ASB15: variants seen among roughly 807,000 people sequenced by gnomAD.
ASB15 encodes the protein ankyrin repeat and SOCS box protein 15.
A neutral mutation model predicts 58.0 loss-of-function variants in ASB15; 54 were observed. That is an observed-to-expected ratio of 0.93 (90% confidence interval 0.75 to 1.17). The LOEUF (loss-of-function observed/expected upper bound fraction) is 1.17, where lower values mean the gene tolerates loss of function less well. ASB15 is among the 50% of genes most tolerant of loss of function. The probability of loss-of-function intolerance (pLI) is 0.00; values close to 1 mark genes in which losing one functional copy is unlikely to be tolerated. For synonymous variants in ASB15, 249 were observed against 262.4 expected (o/e 0.95, Z 0.50); for missense variants, 680 against 707.4 (o/e 0.96, Z 0.44).
chr7:123,620,503 CATACATATATATATATATATATAT>C (rs1357985132), intron 7 of ASB15, among the ~76,000 whole-genome samples: 39 of 53,060 alleles, frequency 7.4e-4, no homozygotes, highest in South Asian at 4.7e-3. Context: ...GACACATATA[CATACATATATATATATATATATAT>C]ATATATATAT....
rs540459028 is a variant in ASB15, at chr7:123,579,321, C to A, written c.-443+12233C>A. 2.4e-4 allele frequency among the ~76,000 whole-genome samples: 36 copies of A among 151,920 alleles called. 1 individual carries two copies. The highest frequency in any genetic ancestry group is 4.7e-4 in the Non-Finnish European group (32 of 67,954). ...ATTGGGAAAATTTTAGATAAAAATA[C>A]TTTCTTAGTTATAGTTAAAAATAAG... is the stretch of plus-strand genomic sequence containing the variant. On this transcript the variant is annotated intron_variant, in intron 1 of 13. Coordinates refer to the ASB15 transcript ENST00000451558.
At chr7:123,620,232 G>A (rs1054411279) in intron 7 of ASB15, 3 of 151,844 alleles carry the variant, frequency 2.0e-5, no homozygotes, top group African/African-American at 7.3e-5. Context: ...CCACACCTTG[G>A]GGCAACGGAG....
At chr7:123,579,826 T>C (rs1005458419) in intron 1 of ASB15, among the ~76,000 whole-genome samples, 2 of 152,200 alleles carry the variant, frequency 1.3e-5, no homozygotes, top group African/African-American at 4.8e-5. Flanking sequence ...TATTTAGACA[T>C]TTAGTTTAAG....
chr7:123,588,153 C>G (rs1232642970), intron 1 of ASB15, among the ~76,000 whole-genome samples: 1 of 151,714 alleles, frequency 6.6e-6, no homozygotes, highest in Non-Finnish European at 1.5e-5. Flanking sequence ...AGTGAAGGCA[C>G]TAGGTTTGGG....
chr7:123,594,759 G>A (rs1799647407), intron 1 of ASB15, among the ~76,000 whole-genome samples: 1 of 152,186 alleles, frequency 6.6e-6, no homozygotes. Flanking sequence ...ACTTAAGGAG[G>A]CAGTCTGTCC....
intron 6 of ASB15, among the ~76,000 whole-genome samples, chr7:123,617,303 T>C (rs1324784301): frequency 6.6e-6 from 1 of 152,212 alleles, no homozygotes; most frequent in African/African-American, 2.4e-5. Context: ...ATTGAAACAT[T>C]GTTTTGTAAT....
intron 8 of ASB15, among the ~76,000 whole-genome samples, chr7:123,626,485 A>C (rs987237917): frequency 1.3e-5 from 2 of 152,184 alleles, no homozygotes; most frequent in Non-Finnish European, 1.5e-5. Context: ...AAATAAATAA[A>C]TAAATAAATA....
chr7:123,601,472 T>C (rs1263922861), upstream of ASB15, among the ~76,000 whole-genome samples: 1 of 152,166 alleles, frequency 6.6e-6, no homozygotes, highest in Admixed American at 6.5e-5. Context: ...AGAAAAATAG[T>C]GTGTATTAAA....
intron 11 of ASB15, among the ~76,000 whole-genome samples, chr7:123,631,995 G>A (rs1802143269): frequency 6.6e-6 from 1 of 151,926 alleles, no homozygotes; most frequent in East Asian, 1.9e-4. Flanking sequence ...GGAGAATGGC[G>A]TGAACCCGGG....
At chr7:123,579,918 T>C (rs805785) in intron 1 of ASB15, among the ~76,000 whole-genome samples, 34,990 of 152,056 alleles carry the variant, frequency 0.23, 4,162 homozygotes, top group East Asian at 0.4. Context: ...AATTCTCATT[T>C]ATTGAATGGC....
At chr7:123,594,538 C>A (rs557767172) in intron 1 of ASB15, among the ~76,000 whole-genome samples, 1 of 152,158 alleles carries the variant, frequency 6.6e-6, no homozygotes, top group African/African-American at 2.4e-5. Flanking sequence ...CAGACAGGCC[C>A]CTCAGCTGCA....
At chr7:123,612,374 A>G (rs1401414057) in intron 3 of ASB15, 2 of 152,272 alleles carry the variant, frequency 1.3e-5, no homozygotes, top group Non-Finnish European at 2.9e-5. Context: ...CAGAAAACCA[A>G]TGGTCCAAGT....
In ASB15 at chr7:123,582,546, G is replaced by A. The variant is rs547844850; in HGVS notation, c.-443+15458G>A. On this transcript the variant is annotated intron_variant, in intron 1 of 13. Coordinates refer to the ASB15 transcript ENST00000451558. ...TCATTGTCTGTAGGTTCCTCAATGCGTTCTGTGACCAGCAAGAGTAAATGA... is the reference window on the plus strand; with the variant it reads ...TCATTGTCTGTAGGTTCCTCAATGCATTCTGTGACCAGCAAGAGTAAATGA... 7.0e-4 allele frequency among the ~76,000 whole-genome samples: 107 copies of A among 151,990 alleles called. 1 individual carries two copies. Among genetic ancestry groups the A allele is most frequent in the Admixed American group, 6.7e-3 (102 of 15,252 alleles).
At position 123,630,040 on chromosome 7, in the gene ASB15, G is replaced by T; in HGVS notation, c.1515G>T (p.Met505Ile). ...TTACTCGTGTACTAATAGATTACAT[G>T]GATTATGTTCCTCTGTGTGCTAAAC... is the stretch of plus-strand genomic sequence containing the variant. ...GRVTRVLIDY[M>I]DYVPLCAKLK... is the part of the protein sequence containing the mutation. The change falls in exon 11 of 12, where the codon ATG becomes ATT. Residue 505 changes from methionine (M) to isoleucine (I), a missense_variant. By Grantham distance (10) the Met-to-Ile change is conservative. Coordinates refer to ENST00000451215, the MANE Select transcript of ASB15 (RefSeq NM_001290258.2). 1 of 1,606,790 alleles carries T rather than the reference G, an allele frequency of 6.2e-7. No homozygotes were observed. Among genetic ancestry groups the T allele is most frequent in the Non-Finnish European group, 8.5e-7 (1 of 1,174,020 alleles).
In ASB15 at chr7:123,623,901, T is replaced by A. The variant is rs76832611; in HGVS notation, c.452-668T>A. Among the ~76,000 whole-genome samples, 143 of 96,646 alleles carry A rather than the reference T, an allele frequency of 1.5e-3. 7 individuals are homozygous for A. The highest frequency in any genetic ancestry group is 5.3e-3 in the Middle Eastern group (1 of 190). The allele number at this position is 96,646 out of a possible 152,430, so 63.4% of individuals were successfully genotyped here. A position where few individuals can be genotyped will look rare whatever the true frequency, so the allele number is the denominator to read the frequency against. ...AGAAAAGAAAAGAAGAAAGAAAGAA[T>A]GGAAGGAAGGAAGGAAGGAAGAAAG... On this transcript the variant is annotated intron_variant, in intron 7 of 11. Coordinates refer to ENST00000451215, the MANE Select transcript of ASB15 (RefSeq NM_001290258.2).
At chr7:123,586,041 A>G (rs1799367210) in intron 1 of ASB15, among the ~76,000 whole-genome samples, 1 of 151,828 alleles carries the variant, frequency 6.6e-6, no homozygotes, top group African/African-American at 2.4e-5. Context: ...ATGAATATGG[A>G]AGTGCAAATA....
chr7:123,603,136 T>C lies in ASB15; in HGVS notation c.-244-896T>C, dbSNP rs115064502. Among the ~76,000 whole-genome samples the C allele has an allele frequency of 4.4e-3, 673 of 152,316 alleles. 7 individuals are homozygous for C. Among genetic ancestry groups the C allele is most frequent in the African/African-American group, 0.015 (642 of 41,566 alleles). On this transcript the variant is annotated intron_variant, in intron 1 of 11. Transcript: ENST00000451215. Reference sequence around the variant, plus strand: ...CTATGCTATGTGCTTTACTGTGTGCTAAACCTTAAAGAGAAATTGGTATTA... The same window carrying C: ...CTATGCTATGTGCTTTACTGTGTGCCAAACCTTAAAGAGAAATTGGTATTA...
chr7:123,604,408 C>A (rs772212299), intron 2 of ASB15, among the ~76,000 whole-genome samples, 196 bp downstream of exon 2: 44 of 151,918 alleles, frequency 2.9e-4, no homozygotes, highest in Non-Finnish European at 6.0e-4. Context: ...GTGGTGAAAC[C>A]CTGTCTCTAA....
upstream of ASB15, chr7:123,598,896 A>G (rs1040666703): frequency 6.6e-6 from 1 of 152,252 alleles, no homozygotes; most frequent in East Asian, 1.9e-4. Flanking sequence ...GGAGGAGTTC[A>G]GTGCTAATAG....
Sources: allele counts gnomAD v4.1 joint callset (sites outside exome capture counted in the v4.1 genomes callset), GRCh38; gene constraint gnomAD v4.1.1; transcripts MANE v1.5; gene names NCBI Gene and HGNC (gene_info 2026-07-23, HGNC 2026-07-21).